The following CEP112 variants were observed in gnomAD, a reference collection of about 807,000 sequenced individuals.
CEP112 encodes the protein centrosomal protein of 112 kDa.
In CEP112, 127 loss-of-function variants were observed where a neutral mutation model predicts 153.0. That is an observed-to-expected ratio of 0.83 (90% CI 0.72 to 0.96). The LOEUF (loss-of-function observed/expected upper bound fraction) is 0.96, where lower values mean the gene tolerates loss of function less well. CEP112 is among the 40% of genes least tolerant of loss of function. The probability of loss-of-function intolerance (pLI) is 0.00; values close to 1 mark genes in which losing one functional copy is unlikely to be tolerated. For synonymous variants in CEP112, 358 were observed against 374.4 expected (o/e 0.96, Z 0.51); for missense variants, 1,089 against 1,101.2 (o/e 0.99, Z 0.16).
chr17:66,080,208 C>A (rs1053229283), intron 8 of CEP112, among the ~76,000 whole-genome samples: 2 of 152,078 alleles, frequency 1.3e-5, no homozygotes, highest in African/African-American at 4.8e-5. Context: ...AAACTATCAT[C>A]GGAGTGAACA....
At chr17:66,111,852 C>T (rs1205645078) in intron 6 of CEP112, among the ~76,000 whole-genome samples, 3 of 152,070 alleles carry the variant, frequency 2.0e-5, no homozygotes, top group African/African-American at 4.8e-5. Context: ...AAAAAAGCAT[C>T]AGTAAGAGAG....
At chr17:66,139,781 G>C (rs2146599755) in intron 4 of CEP112, among the ~76,000 whole-genome samples, 1 of 152,202 alleles carries the variant, frequency 6.6e-6, no homozygotes, top group Non-Finnish European at 1.5e-5. Context: ...TAAGGAAACT[G>C]AATCAGTAAT....
intron 5 of CEP112, among the ~76,000 whole-genome samples, chr17:66,130,520 A>G (rs562146481): frequency 9.9e-5 from 15 of 152,266 alleles, no homozygotes; most frequent in Middle Eastern, 6.8e-3. Flanking sequence ...TCACACCTGT[A>G]ATCCCAGCAC....
Position 66,175,163 on chromosome 17 carries a change from C to G in CEP112, c.351G>C (p.Glu117Asp), listed in dbSNP as rs2072418519. ...CACCCAGTACCCAGGCTGGTAATCC[C>G]TCTGGGCTTGAACCTTTTGCTCGTG... is the stretch of plus-strand genomic sequence containing the variant. ...NPARAKGSSP[E>D]GLPAWVLGEL... The change falls in exon 4 of 27, where the codon GAG (glutamate) becomes GAC (aspartate). Residue 117 changes from glutamate (E) to aspartate (D), a missense_variant. Glu to Asp is a conservative substitution (Grantham distance 45). Transcript: ENST00000535342. The G allele has an allele frequency of 6.2e-7, 1 of 1,612,350 alleles. No homozygotes were observed. The highest frequency in any genetic ancestry group is 2.2e-5 in the East Asian group (1 of 44,772).
At chr17:66,174,899 A>C in intron 4 of CEP112, 145 bp downstream of exon 4, 1 of 482,610 alleles carries the variant, frequency 2.1e-6, no homozygotes, top group Non-Finnish European at 3.4e-6. Context: ...TAAATGGCTA[A>C]AAATATAAAA....
chr17:65,775,324 G>A (rs2053614965), intron 21 of CEP112, among the ~76,000 whole-genome samples: 1 of 152,032 alleles, frequency 6.6e-6, no homozygotes, highest in South Asian at 2.1e-4. Context: ...GCATGGCAGA[G>A]ACAATGTCCT....
At chr17:65,715,433 A>G (rs2049449934) in intron 23 of CEP112, among the ~76,000 whole-genome samples, 1 of 152,138 alleles carries the variant, frequency 6.6e-6, no homozygotes, top group Non-Finnish European at 1.5e-5. Flanking sequence ...GAGGCAGCAA[A>G]TGTATTAATA....
At chr17:65,889,116 T>C (rs963685369) in intron 20 of CEP112, among the ~76,000 whole-genome samples, 5 of 152,140 alleles carry the variant, frequency 3.3e-5, no homozygotes, top group African/African-American at 7.2e-5. Flanking sequence ...GCTGGACTGG[T>C]TGGGTGTTGT....
chr17:66,103,774 C>T (rs2068663695), intron 6 of CEP112, among the ~76,000 whole-genome samples: 1 of 152,142 alleles, frequency 6.6e-6, no homozygotes, highest in South Asian at 2.1e-4. Context: ...CTTCTCCTAT[C>T]CCCCAGCAGT....
At chr17:65,679,129 C>CT (rs57907674) in intron 24 of CEP112, among the ~76,000 whole-genome samples, 3 of 31,630 alleles carry the variant, frequency 9.5e-5, no homozygotes, top group Non-Finnish European at 1.2e-4. Context: ...GTGGTTCAAG[C>CT]TTTTTTTTTT....
chr17:66,025,865 C>T (rs1352310409), intron 16 of CEP112, among the ~76,000 whole-genome samples: 2 of 148,670 alleles, frequency 1.3e-5, no homozygotes, highest in Non-Finnish European at 3.0e-5. Context: ...AATAGCAAAA[C>T]ATGGAATCAA....
At chr17:65,676,211 C>G (rs1429182734) in intron 24 of CEP112, among the ~76,000 whole-genome samples, 1 of 151,750 alleles carries the variant, frequency 6.6e-6, no homozygotes, top group African/African-American at 2.4e-5. Flanking sequence ...GTAGCATGTG[C>G]CAGCTACTTG....
At chr17:65,838,619 C>A (rs956766851) in intron 21 of CEP112, among the ~76,000 whole-genome samples, 1 of 151,848 alleles carries the variant, frequency 6.6e-6, no homozygotes, top group South Asian at 2.1e-4. Context: ...CAAACCAAAC[C>A]CCAGATTTGT....
At chr17:66,147,367 T>C (rs995507129) in intron 4 of CEP112, among the ~76,000 whole-genome samples, 40 of 152,272 alleles carry the variant, frequency 2.6e-4, no homozygotes, top group African/African-American at 9.4e-4. Flanking sequence ...GTTGTTGAGA[T>C]GAGTTCTTTA....
chr17:65,752,830 C>T (rs1054578110), intron 21 of CEP112, among the ~76,000 whole-genome samples: 1 of 152,142 alleles, frequency 6.6e-6, no homozygotes, highest in Non-Finnish European at 1.5e-5. Flanking sequence ...TTTTCAAGTT[C>T]TCAATGCTAT....
chr17:66,010,298 T>C (rs2064461953), intron 16 of CEP112, among the ~76,000 whole-genome samples: 1 of 152,176 alleles, frequency 6.6e-6, no homozygotes, highest in Non-Finnish European at 1.5e-5. Context: ...GTGATTTTTG[T>C]ACATTGATTT....
At chr17:66,115,871 AACC>A (rs576334389) in intron 6 of CEP112, among the ~76,000 whole-genome samples, 164 of 152,302 alleles carry the variant, frequency 1.1e-3, no homozygotes, top group African/African-American at 3.6e-3. Context: ...GCCTAGACTG[AACC>A]CCTGGTGTTT....
At chr17:65,999,994 A>C (rs866316398) in intron 17 of CEP112, among the ~76,000 whole-genome samples, 1 of 152,108 alleles carries the variant, frequency 6.6e-6, no homozygotes, top group Non-Finnish European at 1.5e-5. Flanking sequence ...GGTTGATTCC[A>C]TGTCTTTGCT....
chr17:66,090,382 C>A (rs1219400118), intron 8 of CEP112, among the ~76,000 whole-genome samples: 4 of 151,656 alleles, frequency 2.6e-5, no homozygotes, highest in Non-Finnish European at 5.9e-5. Flanking sequence ...TCTTTCTATA[C>A]AATATAAAAA....
Sources: gnomAD v4.1 joint callset for allele counts (sites outside exome capture counted in the v4.1 genomes callset) on GRCh38, gnomAD v4.1.1 for gene constraint, MANE v1.5 for transcripts, NCBI Gene and HGNC (gene_info 2026-07-23, HGNC 2026-07-21) for gene names.